ZBED4: variants seen among roughly 807,000 people sequenced by gnomAD.
The protein encoded by ZBED4 is zinc finger BED-type containing 4.
Under a neutral mutation model 15.5 loss-of-function variants are expected in ZBED4, and 4 were observed. The ratio of observed to expected loss-of-function variants is 0.26; its 90% confidence interval spans 0.13 to 0.59. The LOEUF is 0.59. Among genes scored for constraint, ZBED4 ranks in the 20% least tolerant of loss-of-function variants. ZBED4 has a pLI of 0.90. For synonymous variants in ZBED4, 692 were observed against 608.5 expected (o/e 1.14, Z -2.02); for missense variants, 1,323 against 1,461.8 (o/e 0.91, Z 1.55).
At chr22:49,863,048 C>T (rs558596347) in intron 1 of ZBED4, among the ~76,000 whole-genome samples, 1 of 152,260 alleles carries the variant, frequency 6.6e-6, no homozygotes, top group African/African-American at 2.4e-5. Context: ...CCCCACCTCC[C>T]GTGGAAGTAT....
chr22:49,862,893 G>A (rs1302346697), intron 1 of ZBED4, among the ~76,000 whole-genome samples: 1 of 151,486 alleles, frequency 6.6e-6, no homozygotes, highest in Non-Finnish European at 1.5e-5. Context: ...GTAGAGACAG[G>A]GTTTCACCCT....
intron 1 of ZBED4, among the ~76,000 whole-genome samples, chr22:49,875,697 A>C (rs2060372960): frequency 6.6e-6 from 1 of 152,128 alleles, no homozygotes; most frequent in African/African-American, 2.4e-5. Flanking sequence ...CTGGGATTAC[A>C]GGCGTGAGTC....
At position 49,888,577 on chromosome 22, in the gene ZBED4, T is replaced by C. The variant is rs567577921; in HGVS notation, c.*1399T>C. 5.4e-5 allele frequency: 9 copies of C among 167,342 alleles called. No individual in the cohort carries two copies. In the East Asian group the frequency reaches 1.7e-3, roughly 31 times the overall value. 10.4% of individuals were successfully genotyped at this position (167,342 alleles called of 1,614,324 possible). A position where few individuals can be genotyped will look rare whatever the true frequency, so the allele number is the denominator to read the frequency against. Reference sequence around the variant, plus strand: ...AACCCCAGACAGGGCTCCAGGGAAGTGGAGATGTAATTCTTACAACAACAG... The same window carrying C: ...AACCCCAGACAGGGCTCCAGGGAAGCGGAGATGTAATTCTTACAACAACAG... On this transcript the variant is annotated 3_prime_UTR_variant, in exon 2 of 2. Transcript: ENST00000216268.
Position 49,883,562 on chromosome 22 carries a change from AT to A in ZBED4, c.-100del, listed in dbSNP as rs1326277077. 7.1e-7 allele frequency: 1 copy of A among 1,414,188 alleles called. No homozygotes were observed. The highest frequency in any genetic ancestry group is 1.5e-5 in the African/African-American group (1 of 68,456). 87.6% of individuals were successfully genotyped at this position (1,414,188 alleles called of 1,614,324 possible). A position where few individuals can be genotyped will look rare whatever the true frequency, so the allele number is the denominator to read the frequency against. On this transcript the variant is annotated 5_prime_UTR_variant, in exon 2 of 2. The change abolishes an upstream ATG in the 5' untranslated region. Coordinates refer to ENST00000216268, the MANE Select transcript of ZBED4 (RefSeq NM_014838.3). ...TAGAAACATCCTGAAAGATGGAATT[AT>A]GACGAAAAAGTGAAGATAATCTACA...
intron 1 of ZBED4, among the ~76,000 whole-genome samples, chr22:49,860,344 C>T (rs1194591779): frequency 6.6e-6 from 1 of 152,156 alleles, no homozygotes; most frequent in Non-Finnish European, 1.5e-5. Flanking sequence ...TATAGTTTTA[C>T]TTAATTTCTT....
In ZBED4 at chr22:49,889,410, C is replaced by T. The variant is rs1425321573; in HGVS notation, c.*2232C>T. ...GGGCTGAAAATACTCACTGTTTGGC[C>T]CTTTCCAGAATAGCAAGTTTGCTGG... On this transcript the variant is annotated 3_prime_UTR_variant, in exon 2 of 2. Transcript: ENST00000216268. 6.0e-6 allele frequency: 1 copy of T among 166,988 alleles called. No individual in the cohort carries two copies. Among genetic ancestry groups the T allele is most frequent in the Admixed American group, 6.5e-5 (1 of 15,272 alleles). The allele number at this position is 166,988 out of a possible 1,614,324, so 10.3% of individuals were successfully genotyped here. A position where few individuals can be genotyped will look rare whatever the true frequency, so the allele number is the denominator to read the frequency against.
chr22:49,888,054 A>T lies in ZBED4; in HGVS notation c.*876A>T, dbSNP rs991872189. On this transcript the variant is annotated 3_prime_UTR_variant, in exon 2 of 2. Coordinates refer to ENST00000216268, the MANE Select transcript of ZBED4 (RefSeq NM_014838.3). ...CCTTGTTTGATCAAATTTGTGTAAA[A>T]TTTTTTTAGAAGAGATGGCTTATTA... 1.8e-5 allele frequency: 3 copies of T among 167,124 alleles called. No individual in the cohort carries two copies. Among genetic ancestry groups the T allele is most frequent in the Non-Finnish European group, 2.9e-5 (2 of 68,098 alleles). The allele number at this position is 167,124 out of a possible 1,614,324, so 10.4% of individuals were successfully genotyped here. A position where few individuals can be genotyped will look rare whatever the true frequency, so the allele number is the denominator to read the frequency against.
Position 49,883,355 on chromosome 22 carries a change from T to C in ZBED4, c.-308T>C, listed in dbSNP as rs766749212. The C allele has an allele frequency of 2.0e-5, 5 of 244,658 alleles. No homozygotes were observed. Among genetic ancestry groups the C allele is most frequent in the Non-Finnish European group, 3.2e-5 (4 of 126,560 alleles). 15.2% of individuals were successfully genotyped at this position (244,658 alleles called of 1,614,324 possible). On this transcript the variant is annotated 5_prime_UTR_variant, in exon 2 of 2. Coordinates refer to ENST00000216268, the MANE Select transcript of ZBED4 (RefSeq NM_014838.3). ...ATAGGTAATGCACAAGGGTCACGTG[T>C]ATGCTCTCAAGATGATCAGGCAGAT...
intron 1 of ZBED4, among the ~76,000 whole-genome samples, chr22:49,857,991 T>C (rs2060281595): frequency 6.6e-6 from 1 of 152,100 alleles, no homozygotes; most frequent in Non-Finnish European, 1.5e-5. Flanking sequence ...CTCGATCTCC[T>C]GATCTCGTGA....
At chr22:49,876,751 C>T (rs1321425834) in intron 1 of ZBED4, among the ~76,000 whole-genome samples, 1 of 151,974 alleles carries the variant, frequency 6.6e-6, no homozygotes, top group Non-Finnish European at 1.5e-5. Context: ...CTGCATTGCT[C>T]GAGTATATCG....
intron 1 of ZBED4, among the ~76,000 whole-genome samples, chr22:49,856,673 G>A (rs183712167): frequency 0.031 from 1,076 of 34,910 alleles, 17 homozygotes; most frequent in South Asian, 0.17. Context: ...TGAAGGCCGC[G>A]CTGGAATCCC....
At chr22:49,871,435 A>G (rs2060346914) in intron 1 of ZBED4, among the ~76,000 whole-genome samples, 1 of 152,070 alleles carries the variant, frequency 6.6e-6, no homozygotes, top group African/African-American at 2.4e-5. Flanking sequence ...CAGTGAGCCG[A>G]TATTGCCACT....
intron 1 of ZBED4, among the ~76,000 whole-genome samples, chr22:49,871,766 T>TA (rs1479097022): frequency 7.7e-4 from 117 of 151,212 alleles, no homozygotes; most frequent in Middle Eastern, 3.4e-3. Flanking sequence ...TATTTTTTTT[T>TA]TTTTTTGAGA....
rs2060308827 is a variant in ZBED4, at chr22:49,863,931, G to A, written c.-330+9942G>A. On this transcript the variant is annotated intron_variant, in intron 1 of 1. Coordinates refer to ENST00000216268, the MANE Select transcript of ZBED4 (RefSeq NM_014838.3). ...GGACAGTGAGAGCCCCTACAAGCTG[G>A]CTCCTGGATCCTTTTGACATCATTC... Among the ~76,000 whole-genome samples the A allele has an allele frequency of 2.0e-5, 3 of 152,296 alleles. No homozygotes were observed. The East Asian group carries it at 5.8e-4, about 29-fold the overall frequency.
At position 49,884,856 on chromosome 22, in the gene ZBED4, G is replaced by A; in HGVS notation, c.1194G>A (p.Gln398=). 6.2e-7 allele frequency: 1 copy of A among 1,610,518 alleles called. No individual in the cohort carries two copies. Among genetic ancestry groups the A allele is most frequent in the South Asian group, 1.1e-5 (1 of 90,904 alleles). Residue 398 remains glutamine (Q), a synonymous_variant, in exon 2 of 2, where the codon CAG becomes CAA. Transcript: ENST00000216268. The stretch of plus-strand genomic sequence containing the variant: ...CTGACAGGCTGACTGAGGACTTGCA[G>A]TCTCACTTGAACCCTGGAGATGGGC... The part of the protein sequence containing the change: ...SSPDRLTEDL[Q]SHLNPGDGLM...
At chr22:49,856,697 T>C (rs4058454) in intron 1 of ZBED4, among the ~76,000 whole-genome samples, 2,292 of 12,322 alleles carry the variant, frequency 0.19, 31 homozygotes, top group Non-Finnish European at 0.28. Context: ...CGGCTTCCCA[T>C]CCCTCGTTCT....
chr22:49,865,282 T>C (rs1002880482), intron 1 of ZBED4, among the ~76,000 whole-genome samples: 2 of 152,168 alleles, frequency 1.3e-5, no homozygotes, highest in Non-Finnish European at 1.5e-5. Context: ...CGTTATCTTA[T>C]GTAGCCACTG....
intron 1 of ZBED4, among the ~76,000 whole-genome samples, chr22:49,856,253 C>G (rs2060274125): frequency 6.6e-6 from 1 of 152,322 alleles, no homozygotes; most frequent in Non-Finnish European, 1.5e-5. Context: ...GCCTCTCTGC[C>G]TGCTGGGGCC....
intron 1 of ZBED4, among the ~76,000 whole-genome samples, chr22:49,875,852 C>T (rs2060373765): frequency 6.6e-6 from 1 of 151,912 alleles, no homozygotes; most frequent in Non-Finnish European, 1.5e-5. Flanking sequence ...ATTCTGTCTT[C>T]TCCATTTTTT....
Sources: allele counts gnomAD v4.1 joint callset (sites outside exome capture counted in the v4.1 genomes callset), GRCh38; gene constraint gnomAD v4.1.1; transcripts MANE v1.5; gene names NCBI Gene and HGNC (gene_info 2026-07-23, HGNC 2026-07-21).